The following SDC4 variants were observed in gnomAD, a reference collection of about 807,000 sequenced individuals.
The protein encoded by SDC4 is syndecan-4.
Under a neutral mutation model 20.5 loss-of-function variants are expected in SDC4, and 17 were observed. The observed-to-expected ratio is 0.83, with a 90% CI of 0.57 to 1.25. SDC4 has a LOEUF of 1.25. Ranked by LOEUF, SDC4 falls within the 50% of genes most tolerant of loss-of-function variation. SDC4 has a pLI of 0.00. For missense variants in SDC4, 241 were observed against 252.3 expected, an observed-to-expected ratio of 0.96 and a Z score of 0.30; for synonymous variants, 107 against 105.3, an observed-to-expected ratio of 1.02 and a Z score of -0.10.
At chr20:45,338,922 T>C (rs953920424) in intron 1 of SDC4, among the ~76,000 whole-genome samples, 1 of 152,184 alleles carries the variant, frequency 6.6e-6, no homozygotes, top group African/African-American at 2.4e-5. Flanking sequence ...ATTTCCCTCC[T>C]ACAGCAAGTC....
chr20:45,348,226 C>CT, intron 1 of SDC4, 99 bp downstream of exon 1: 1 of 1,072,520 alleles, frequency 9.3e-7, no homozygotes, highest in Non-Finnish European at 1.4e-6. Context: ...GGTAGCGTAC[C>CT]CCCGATCTGC....
intron 1 of SDC4, among the ~76,000 whole-genome samples, chr20:45,336,400 G>A (rs1987868604): frequency 6.6e-6 from 1 of 152,118 alleles, no homozygotes; most frequent in South Asian, 2.1e-4. Flanking sequence ...GCTACAGAGT[G>A]GGACCCCCGT....
At chr20:45,338,909 A>C (rs1206493839) in intron 1 of SDC4, among the ~76,000 whole-genome samples, 1 of 152,250 alleles carries the variant, frequency 6.6e-6, no homozygotes, top group Non-Finnish European at 1.5e-5. Flanking sequence ...AGATGAGCCC[A>C]GGATTTCCCT....
intron 2 of SDC4, among the ~76,000 whole-genome samples, chr20:45,334,929 A>G (rs1389356903): frequency 1.3e-5 from 2 of 152,242 alleles, no homozygotes; most frequent in East Asian, 3.8e-4. Context: ...ACTGAAGCTC[A>G]GTTCACACAG....
rs777983925 is a variant in SDC4, at chr20:45,335,854, G to T, written c.127C>A (p.Pro43Thr). Residue 43 changes from proline to threonine, a missense_variant, in exon 2 of 5, where the codon CCA becomes ACA. Physicochemically the swap from Pro to Thr is conservative, Grantham distance 38 (BLOSUM62 -1). Coordinates refer to ENST00000372733, the MANE Select transcript of SDC4 (RefSeq NM_002999.4). ...LEGRYFSGALPDDEDVVGPGQ... is the reference protein window; with the variant it reads ...LEGRYFSGALTDDEDVVGPGQ... ...GGCCCCACTACATCCTCATCGTCTG[G>T]TAGGGCTCCGGAGAAGTATCGGCCT... 6.2e-7 allele frequency: 1 copy of T among 1,614,074 alleles called. No homozygotes were observed. The highest frequency in any genetic ancestry group is 2.2e-5 in the East Asian group (1 of 44,866).
chr20:45,327,361 A>G lies in SDC4; in HGVS notation c.500T>C (p.Leu167Pro), dbSNP rs760275561. 6.2e-7 allele frequency: 1 copy of G among 1,614,110 alleles called. No individual in the cohort carries two copies. The highest frequency in any genetic ancestry group is 8.5e-7 in the Non-Finnish European group (1 of 1,179,986). The change falls in exon 5 of 5, where the codon CTG becomes CCG. Residue 167 changes from leucine to proline, a missense_variant. Coordinates refer to ENST00000372733, the MANE Select transcript of SDC4 (RefSeq NM_002999.4). ...GILFAVFLIL[L>P]LMYRMKKKDE... Reference sequence around the variant, plus strand: ...CTTCTTCTTCATACGGTACATGAGCAGTAGGATCAGGAAGACGGCAAAGAG... The same window carrying G: ...CTTCTTCTTCATACGGTACATGAGCGGTAGGATCAGGAAGACGGCAAAGAG...
At chr20:45,331,185 G>T (rs368964948) in intron 3 of SDC4, among the ~76,000 whole-genome samples, 2 of 152,144 alleles carry the variant, frequency 1.3e-5, no homozygotes, top group East Asian at 3.8e-4. Flanking sequence ...AAAGGAAATG[G>T]ACTGCAGCAC....
chr20:45,339,757 G>A (rs1180537647), intron 1 of SDC4, among the ~76,000 whole-genome samples: 1 of 152,122 alleles, frequency 6.6e-6, no homozygotes, highest in African/African-American at 2.4e-5. Flanking sequence ...TAAAAAATAG[G>A]GCAATGGGCC....
In SDC4 at chr20:45,335,942, C is replaced by T. The variant is rs563176988; in HGVS notation, c.61-22G>A. The T allele has an allele frequency of 5.6e-6, 9 of 1,604,408 alleles. No homozygotes were observed. In the African/African-American group the frequency reaches 8.0e-5, roughly 14 times the overall value. On this transcript the variant is annotated intron_variant, in intron 1 of 4. Transcript: ENST00000372733. Reference sequence around the variant, plus strand: ...GGATCTAAGATAAAGAAAGGAGACACATCAGCCAACATCCCCAGTGCTCCA... The same window carrying T: ...GGATCTAAGATAAAGAAAGGAGACATATCAGCCAACATCCCCAGTGCTCCA...
chr20:45,342,699 G>T (rs1357584904), intron 1 of SDC4, among the ~76,000 whole-genome samples: 5 of 152,156 alleles, frequency 3.3e-5, no homozygotes, highest in African/African-American at 9.7e-5. Flanking sequence ...GCTGGGAAGT[G>T]GGGGAGGGAG....
rs368383733 is a variant in SDC4, at chr20:45,330,598, G to A, written c.247-34C>T. On this transcript the variant is annotated intron_variant, in intron 3 of 4. Coordinates refer to ENST00000372733, the MANE Select transcript of SDC4 (RefSeq NM_002999.4). The stretch of plus-strand genomic sequence containing the variant: ...GCGGAAAGGAGAAGAGACACTCAGC[G>A]TATTTTGGAAGAGACTCAGGGCAGG... The A allele has an allele frequency of 1.3e-4, 202 of 1,594,894 alleles. No individual in the cohort carries two copies. The African/African-American group carries it at 1.7e-3, about 14-fold the overall frequency.
intron 1 of SDC4, among the ~76,000 whole-genome samples, chr20:45,347,131 A>G (rs1030168943): frequency 6.6e-6 from 1 of 152,154 alleles, no homozygotes; most frequent in Non-Finnish European, 1.5e-5. Flanking sequence ...TCATCATGGC[A>G]TGCCTGGAAT....
At chr20:45,339,724 A>G (rs575934004) in intron 1 of SDC4, among the ~76,000 whole-genome samples, 4 of 152,344 alleles carry the variant, frequency 2.6e-5, no homozygotes, top group South Asian at 2.1e-4. Flanking sequence ...TGGGTGACAG[A>G]GGAAGACCCT....
intron 2 of SDC4, among the ~76,000 whole-genome samples, chr20:45,333,313 C>CTT (rs1987807539): frequency 1.3e-5 from 2 of 152,174 alleles, no homozygotes; most frequent in Admixed American, 6.5e-5. Flanking sequence ...CAGCTCTAAA[C>CTT]CCTTGCTCTG....
intron 1 of SDC4, among the ~76,000 whole-genome samples, chr20:45,346,694 GA>G (rs1219169719): frequency 1.3e-5 from 2 of 152,218 alleles, no homozygotes; most frequent in Non-Finnish European, 2.9e-5. Flanking sequence ...GCTAGAGGCA[GA>G]AGGCTTGGGT....
rs146183939 is a variant in SDC4 at position 45,335,864 on chromosome 20, G to A, written c.117C>T (p.Ser39=). The change falls in exon 2 of 5, where the codon TCC becomes TCT. Residue 39 remains serine, a synonymous_variant. Transcript: ENST00000372733. ...PQDLLEGRYF[S]GALPDDEDVV... is the part of the protein sequence containing the mutation. ...CATCCTCATCGTCTGGTAGGGCTCC[G>A]GAGAAGTATCGGCCTTCTAGGAGGT... 6.1e-4 allele frequency: 985 copies of A among 1,613,980 alleles called. 5 individuals are homozygous for A. The highest frequency in any genetic ancestry group is 2.7e-3 in the South Asian group (245 of 91,076).
At chr20:45,340,224 T>A (rs896225321) in intron 1 of SDC4, among the ~76,000 whole-genome samples, 1 of 152,196 alleles carries the variant, frequency 6.6e-6, no homozygotes, top group Non-Finnish European at 1.5e-5. Context: ...AGGAAAAGCA[T>A]GAGTGACTAA....
At position 45,327,011 on chromosome 20, in the gene SDC4, C is replaced by T; in HGVS notation, c.*253G>A. ...TTAACTGGAAGTTTAAGAAGTGATC[C>T]AATCCCAGTCTTGCCTTCAGAAAGG... On this transcript the variant is annotated 3_prime_UTR_variant, in exon 5 of 5. Coordinates refer to ENST00000372733, the MANE Select transcript of SDC4 (RefSeq NM_002999.4). 1 of 442,552 alleles carries T rather than the reference C, an allele frequency of 2.3e-6. No homozygotes were observed. 27.4% of individuals were successfully genotyped at this position (442,552 alleles called of 1,614,324 possible). A position where few individuals can be genotyped will look rare whatever the true frequency, so the allele number is the denominator to read the frequency against.
chr20:45,334,095 A>G (rs1987824149), intron 2 of SDC4, among the ~76,000 whole-genome samples: 1 of 151,894 alleles, frequency 6.6e-6, no homozygotes, highest in Non-Finnish European at 1.5e-5. Flanking sequence ...CCTGGGTTCA[A>G]GCGATTCTCC....
Sources: gnomAD v4.1 joint callset for allele counts (sites outside exome capture counted in the v4.1 genomes callset) on GRCh38, gnomAD v4.1.1 for gene constraint, MANE v1.5 for transcripts, NCBI Gene and HGNC (gene_info 2026-07-23, HGNC 2026-07-21) for gene names.